Variants in KIAA0586 observed in about 807,000 individuals in gnomAD.
KIAA0586 encodes the protein KIAA0586.
Under a neutral mutation model 169.8 loss-of-function variants are expected in KIAA0586, and 144 were observed. The observed-to-expected ratio is 0.85, with a 90% CI of 0.74 to 0.97. The LOEUF (loss-of-function observed/expected upper bound fraction) is 0.97. KIAA0586 is among the 50% of genes least tolerant of loss of function. KIAA0586 has a pLI of 0.00. For synonymous variants in KIAA0586, 625 were observed against 612.4 expected, an observed-to-expected ratio of 1.02 and a Z score of -0.30; for missense variants, 1,854 against 1,823.0, an observed-to-expected ratio of 1.02 and a Z score of -0.31.
intron 29 of KIAA0586, among the ~76,000 whole-genome samples, chr14:58,517,310 A>T (rs1425241736): frequency 1.3e-5 from 2 of 152,238 alleles, no homozygotes; most frequent in Non-Finnish European, 2.9e-5. Context: ...TTTAAAATGC[A>T]TAAAAGATTT....
At chr14:58,519,563 A>G (rs904351315) in intron 29 of KIAA0586, among the ~76,000 whole-genome samples, 1 of 152,188 alleles carries the variant, frequency 6.6e-6, no homozygotes, top group Non-Finnish European at 1.5e-5. Context: ...AATACTATTT[A>G]TTGAATAAGC....
intron 27 of KIAA0586, among the ~76,000 whole-genome samples, chr14:58,506,095 C>A (rs186281509): frequency 1.2e-3 from 175 of 151,930 alleles, no homozygotes; most frequent in African/African-American, 4.0e-3. Flanking sequence ...AGGCATATAC[C>A]ATATATCAGC....
rs963213083 is a variant in KIAA0586 at position 58,439,837 on chromosome 14, G to A, written c.411-2869G>A. On this transcript the variant is annotated intron_variant, in intron 4 of 30. Coordinates refer to ENST00000652326, the MANE Select transcript of KIAA0586 (RefSeq NM_001329943.3). ...AGTCGACGGGGAAGTCCAGCAGCTG[G>A]AGATGGAATGTATTCCTGCCAATTT... 32 of 984,610 alleles carry A rather than the reference G, an allele frequency of 3.3e-5. No individual in the cohort carries two copies. The African/African-American group carries it at 4.4e-4, about 13-fold the overall frequency. 61.0% of individuals were successfully genotyped at this position (984,610 alleles called of 1,614,324 possible).
intron 29 of KIAA0586, among the ~76,000 whole-genome samples, chr14:58,519,078 G>A (rs1414719122): frequency 6.6e-6 from 1 of 152,220 alleles, no homozygotes; most frequent in African/African-American, 2.4e-5. Flanking sequence ...GTTGCAGTGA[G>A]CTGAGATCGC....
chr14:58,559,823 T>TCCAC, the KIAA0586 span, among the ~76,000 whole-genome samples: 1 of 152,036 alleles, frequency 6.6e-6, no homozygotes, highest in East Asian at 1.9e-4. Flanking sequence ...AAAGGAGTGG[T>TCCAC]TCCAAATCTG....
At chr14:58,467,667 G>C in intron 15 of KIAA0586, 68 bp from the exon 16 acceptor site, 1 of 1,106,218 alleles carries the variant, frequency 9.0e-7, no homozygotes, top group Non-Finnish European at 1.3e-6. Flanking sequence ...TTAAGATCCA[G>C]ATGGTATATT....
chr14:58,436,696 TATAC>T (rs2037848867), intron 4 of KIAA0586, among the ~76,000 whole-genome samples: 1 of 152,226 alleles, frequency 6.6e-6, no homozygotes, highest in South Asian at 2.1e-4. Context: ...TATGTGTGTA[TATAC>T]ATACACACAG....
At chr14:58,454,628 G>A (rs1194054310) in intron 9 of KIAA0586, among the ~76,000 whole-genome samples, 1 of 152,108 alleles carries the variant, frequency 6.6e-6, no homozygotes, top group Non-Finnish European at 1.5e-5. Context: ...TGTTTATCTG[G>A]TACTGTCTTA....
chr14:58,512,020 G>A (rs1057025152), intron 28 of KIAA0586, among the ~76,000 whole-genome samples: 3 of 152,142 alleles, frequency 2.0e-5, no homozygotes, highest in Admixed American at 1.3e-4. Flanking sequence ...TGGAGCGTAT[G>A]TTTCTTGAAT....
At chr14:58,542,075 C>T (rs921756314) in intron 30 of KIAA0586, among the ~76,000 whole-genome samples, 3 of 151,998 alleles carry the variant, frequency 2.0e-5, no homozygotes, top group Non-Finnish European at 4.4e-5. Context: ...TTACCCTTTT[C>T]GCCTGTTCAC....
chr14:58,553,468 G>C (rs1366736349), downstream of KIAA0586, among the ~76,000 whole-genome samples: 1 of 151,700 alleles, frequency 6.6e-6, no homozygotes, highest in Non-Finnish European at 1.5e-5. Flanking sequence ...GAAAGCAATA[G>C]CTTTTAGTTA....
chr14:58,557,936 G>A, the KIAA0586 span, among the ~76,000 whole-genome samples: 1 of 58,766 alleles, frequency 1.7e-5, no homozygotes, highest in Non-Finnish European at 3.3e-5. Flanking sequence ...TTTGAGACAG[G>A]GTTTGCTCTG....
intron 29 of KIAA0586, among the ~76,000 whole-genome samples, chr14:58,523,742 A>ATTG (rs1185289749): frequency 6.6e-6 from 1 of 150,764 alleles, no homozygotes; most frequent in African/African-American, 2.4e-5. Context: ...TATTATTATT[A>ATTG]TTATTGAGAT....
intron 29 of KIAA0586, among the ~76,000 whole-genome samples, chr14:58,514,827 A>G (rs532132393): frequency 4.6e-5 from 7 of 152,200 alleles, no homozygotes; most frequent in African/African-American, 1.7e-4. Context: ...TTATAGTGAA[A>G]GTACTTTTTA....
Position 58,451,618 on chromosome 14 carries a change from T to A in KIAA0586, c.1129+872T>A, listed in dbSNP as rs368896481. 2.6e-5 allele frequency among the ~76,000 whole-genome samples: 4 copies of A among 152,286 alleles called. 1 individual carries two copies. On this transcript the variant is annotated intron_variant, in intron 8 of 30. Transcript: ENST00000652326. ...TGCTTCCTCATATTGTTTTTAGGTG[T>A]GAATTTCAATAATAAAACGTAGAGA...
intron 26 of KIAA0586, among the ~76,000 whole-genome samples, chr14:58,497,142 T>C (rs1475884585): frequency 6.6e-6 from 1 of 151,776 alleles, no homozygotes; most frequent in Non-Finnish European, 1.5e-5. Flanking sequence ...GCCCGCTAAT[T>C]TTGTATTTTT....
chr14:58,500,145 A>G (rs1055837720), intron 27 of KIAA0586, among the ~76,000 whole-genome samples: 5 of 152,236 alleles, frequency 3.3e-5, no homozygotes, highest in African/African-American at 1.2e-4. Context: ...CAAACATATT[A>G]ACAAGTATTG....
intron 29 of KIAA0586, among the ~76,000 whole-genome samples, chr14:58,514,056 A>C (rs1018692382): frequency 2.6e-5 from 4 of 152,088 alleles, no homozygotes; most frequent in African/African-American, 7.2e-5. Context: ...AATAAATACC[A>C]GTGGGCTATA....
rs1248220248 is a variant in KIAA0586 at position 58,488,092 on chromosome 14, A to G, written c.3510A>G (p.Glu1170=). 1 of 1,599,314 alleles carries G rather than the reference A, an allele frequency of 6.3e-7. No individual in the cohort carries two copies. The highest frequency in any genetic ancestry group is 8.5e-7 in the Non-Finnish European group (1 of 1,172,542). Residue 1170 remains glutamate (E), a synonymous_variant, in exon 23 of 31, where the codon GAA becomes GAG. Transcript: ENST00000652326. ...AGAACCCTAACTCACCTCAAGAAGA[A>G]CTTCATCCAAGAGCTATGTAAATGA... ...EEENPNSPQE[E]LHPRAIVMSV... is the part of the protein sequence containing the mutation.
Sources: allele counts gnomAD v4.1 joint callset (sites outside exome capture counted in the v4.1 genomes callset), GRCh38; gene constraint gnomAD v4.1.1; transcripts MANE v1.5; gene names NCBI Gene and HGNC (gene_info 2026-07-23, HGNC 2026-07-21).